The following GALNT13 variants were observed in gnomAD, a reference collection of about 807,000 sequenced individuals.
GALNT13 encodes the protein polypeptide N-acetylgalactosaminyltransferase 13.
In GALNT13, 28 loss-of-function variants were observed where a neutral mutation model predicts 64.2. The observed-to-expected ratio is 0.44, with a 90% CI of 0.32 to 0.60. The LOEUF (loss-of-function observed/expected upper bound fraction) is 0.60. Ranked by LOEUF, GALNT13 falls within the 20% of genes least tolerant of loss-of-function variation. The pLI is 0.05. For missense variants in GALNT13, 577 were observed against 669.8 expected, an observed-to-expected ratio of 0.86 and a Z score of 1.53; for synonymous variants, 214 against 224.6, an observed-to-expected ratio of 0.95 and a Z score of 0.42.
chr2:154,018,514 G>GA (rs575512228), intron 3 of GALNT13, among the ~76,000 whole-genome samples: 13 of 151,662 alleles, frequency 8.6e-5, no homozygotes, highest in East Asian at 1.9e-4. Flanking sequence ...GTGTGTATAG[G>GA]AAAAAAAACA....
chr2:153,615,765 C>T, the GALNT13 span, among the ~76,000 whole-genome samples: 7 of 152,030 alleles, frequency 4.6e-5, no homozygotes, highest in Non-Finnish European at 5.9e-5. Context: ...AATCTTTTGT[C>T]CATTTTAAAA....
chr2:153,289,498 A>C, the GALNT13 span, among the ~76,000 whole-genome samples: 1 of 152,204 alleles, frequency 6.6e-6, no homozygotes, highest in Admixed American at 6.5e-5. Context: ...TAGTTGAATA[A>C]GAATGTAAGG....
At chr2:153,185,313 T>C in the GALNT13 span, among the ~76,000 whole-genome samples, 3 of 152,234 alleles carry the variant, frequency 2.0e-5, no homozygotes, top group Non-Finnish European at 4.4e-5. Flanking sequence ...ATCTCCCTTA[T>C]CATTTCTTAT....
At chr2:154,432,505 G>T (rs984652503) in intron 11 of GALNT13, among the ~76,000 whole-genome samples, 1 of 152,198 alleles carries the variant, frequency 6.6e-6, no homozygotes, top group Non-Finnish European at 1.5e-5. Context: ...TTGCTTAATA[G>T]AAACCTAGTA....
chr2:153,758,571 T>G, the GALNT13 span, among the ~76,000 whole-genome samples: 1 of 152,076 alleles, frequency 6.6e-6, no homozygotes, highest in African/African-American at 2.4e-5. Flanking sequence ...TGTAGATCAC[T>G]TTGAGAAATA....
chr2:153,490,309 A>C, the GALNT13 span, among the ~76,000 whole-genome samples: 1 of 152,198 alleles, frequency 6.6e-6, no homozygotes, highest in Non-Finnish European at 1.5e-5. Flanking sequence ...TTTTTAAAAA[A>C]TGATTGGTAT....
the GALNT13 span, among the ~76,000 whole-genome samples, chr2:153,642,173 G>A: frequency 6.6e-6 from 1 of 151,776 alleles, no homozygotes; most frequent in Non-Finnish European, 1.5e-5. Flanking sequence ...TTTCTAATAT[G>A]TTCTTTACTA....
intron 7 of GALNT13, among the ~76,000 whole-genome samples, chr2:154,257,066 T>C (rs1193266404): frequency 6.6e-6 from 1 of 152,128 alleles, no homozygotes; most frequent in Non-Finnish European, 1.5e-5. Flanking sequence ...CTAACTGATA[T>C]TGCAAACACA....
chr2:154,046,941 T>G (rs867557383), intron 3 of GALNT13, among the ~76,000 whole-genome samples: 380 of 10,634 alleles, frequency 0.036, 3 homozygotes, highest in East Asian at 0.27. Flanking sequence ...GTCTGTGGGT[T>G]TTTTTTTTTA....
the GALNT13 span, among the ~76,000 whole-genome samples, chr2:153,688,746 C>T: frequency 1.3e-5 from 2 of 151,980 alleles, no homozygotes; most frequent in East Asian, 3.9e-4. Context: ...TTGTTTGTAA[C>T]ATGCATTCAT....
At chr2:154,113,992 C>A (rs1703132286) in intron 3 of GALNT13, among the ~76,000 whole-genome samples, 1 of 152,188 alleles carries the variant, frequency 6.6e-6, no homozygotes, top group Non-Finnish European at 1.5e-5. Context: ...GGAGTCACCA[C>A]CTGGCTTAGC....
the GALNT13 span, among the ~76,000 whole-genome samples, chr2:153,630,784 TA>T: frequency 1.0e-4 from 1 of 9,800 alleles, no homozygotes; most frequent in Non-Finnish European, 2.0e-4. Flanking sequence ...TATATATATA[TA>T]TATATATATA....
the GALNT13 span, among the ~76,000 whole-genome samples, chr2:153,851,472 T>C: frequency 6.6e-6 from 1 of 151,794 alleles, no homozygotes; most frequent in East Asian, 1.9e-4. Flanking sequence ...AGGCTAAGGT[T>C]GAAGGATGAC....
At chr2:154,456,327 T>G (rs529164026), downstream of GALNT13, among the ~76,000 whole-genome samples, 24 of 152,230 alleles carry the variant, frequency 1.6e-4, no homozygotes, top group South Asian at 4.8e-3. Flanking sequence ...ATGACAGATT[T>G]TAAATACTGT....
the GALNT13 span, among the ~76,000 whole-genome samples, chr2:153,150,337 A>G: frequency 6.6e-6 from 1 of 151,878 alleles, no homozygotes; most frequent in Non-Finnish European, 1.5e-5. Flanking sequence ...TTTTTCTTGT[A>G]AATTTGTTGG....
At chr2:154,288,264 A>G in intron 8 of GALNT13, among the ~76,000 whole-genome samples, 1 of 152,214 alleles carries the variant, frequency 6.6e-6, no homozygotes. Context: ...CCATGATTCA[A>G]GTACCTCCCA....
chr2:153,544,599 G>C, the GALNT13 span, among the ~76,000 whole-genome samples: 1 of 152,134 alleles, frequency 6.6e-6, no homozygotes. Flanking sequence ...GGCAAATTGA[G>C]GAAAACTAAG....
At chr2:154,023,900 A>G (rs1439727027) in intron 3 of GALNT13, among the ~76,000 whole-genome samples, 1 of 152,142 alleles carries the variant, frequency 6.6e-6, no homozygotes, top group Non-Finnish European at 1.5e-5. Context: ...GTGGTGACAA[A>G]ATCTCTCAGC....
chr2:153,374,829 C>G, the GALNT13 span, among the ~76,000 whole-genome samples: 1 of 152,300 alleles, frequency 6.6e-6, no homozygotes, highest in East Asian at 1.9e-4. Flanking sequence ...ATTTCTCTCT[C>G]TGTGTCCAGT....
Sources: gnomAD v4.1 joint callset for allele counts (sites outside exome capture counted in the v4.1 genomes callset) on GRCh38, gnomAD v4.1.1 for gene constraint, MANE v1.5 for transcripts, NCBI Gene and HGNC (gene_info 2026-07-23, HGNC 2026-07-21) for gene names.